The following CLDN19 variants were observed in gnomAD, a reference collection of about 807,000 sequenced individuals.
CLDN19 encodes the protein claudin-19.
A neutral mutation model predicts 24.5 loss-of-function variants in CLDN19; 19 were observed. The ratio of observed to expected loss-of-function variants is 0.78; its 90% CI spans 0.54 to 1.14. The LOEUF (loss-of-function observed/expected upper bound fraction) is 1.14. CLDN19 is among the 50% of genes most tolerant of loss of function. The probability of loss-of-function intolerance (pLI) is 0.00; values close to 1 mark genes in which losing one functional copy is unlikely to be tolerated. For missense variants in CLDN19, 250 were observed against 295.9 expected (o/e 0.84, Z 1.14); for synonymous variants, 117 against 129.6 (o/e 0.90, Z 0.66).
intron 3 of CLDN19, among the ~76,000 whole-genome samples, chr1:42,737,949 C>T (rs1443610237): frequency 2.0e-5 from 3 of 152,232 alleles, no homozygotes; most frequent in Non-Finnish European, 4.4e-5. Flanking sequence ...TCCCAAAGTG[C>T]TGGGATTACA....
In CLDN19 at chr1:42,734,992, T is replaced by G; in HGVS notation, c.*94A>C. The G allele has an allele frequency of 2.9e-6, 3 of 1,024,768 alleles. No individual in the cohort carries two copies. Among genetic ancestry groups the G allele is most frequent in the Non-Finnish European group, 4.5e-6 (3 of 661,940 alleles). 63.5% of individuals were successfully genotyped at this position (1,024,768 alleles called of 1,614,324 possible). A position where few individuals can be genotyped will look rare whatever the true frequency, so the allele number is the denominator to read the frequency against. On this transcript the variant is annotated 3_prime_UTR_variant, in exon 5 of 5. Coordinates refer to ENST00000296387, the MANE Select transcript of CLDN19 (RefSeq NM_148960.3). ...GCTGAGGACAGACCGAATGATACCA[T>G]GATTGGGGCTGGATGTTCACTTCTC...
chr1:42,738,407 T>A lies in CLDN19; in HGVS notation c.388+14A>T. 1.2e-6 allele frequency: 2 copies of A among 1,613,088 alleles called. No individual in the cohort carries two copies. Among genetic ancestry groups the A allele is most frequent in the Non-Finnish European group, 1.7e-6 (2 of 1,179,846 alleles). ...TGCCATGGTTGTGATTGTGCAGGAG[T>A]GAGGGGCACTCACCTGCCAGGATGA... On this transcript the variant is annotated intron_variant, in intron 2 of 4. Coordinates refer to ENST00000296387, the MANE Select transcript of CLDN19 (RefSeq NM_148960.3).
intron 4 of CLDN19, 77 bp from the exon 5 acceptor site, chr1:42,735,211 G>C: frequency 1.3e-6 from 2 of 1,599,108 alleles, no homozygotes; most frequent in South Asian, 1.1e-5. Flanking sequence ...ATTCAGGCCC[G>C]GACATGGGTA....
intron 4 of CLDN19, chr1:42,735,522 G>A: frequency 1.4e-6 from 2 of 1,416,356 alleles, no homozygotes; most frequent in Non-Finnish European, 1.8e-6. Flanking sequence ...TATCTCTAGG[G>A]CCCAGCACGT....
chr1:42,739,932 C>T lies in CLDN19; in HGVS notation c.132G>A (p.Val44=), dbSNP rs1407788763. The T allele has an allele frequency of 6.2e-7, 1 of 1,611,238 alleles. No homozygotes were observed. Among genetic ancestry groups the T allele is most frequent in the Admixed American group, 1.7e-5 (1 of 59,754 alleles). Residue 44 remains valine, a synonymous_variant, in exon 1 of 5, where the codon GTG becomes GTA. Transcript: ENST00000296387. The part of the protein sequence containing the change: ...SYAGDAIITA[V]GLYEGLWMSC... ...ACATCCAGAGCCCTTCATAGAGGCC[C>T]ACGGCAGTGATGATGGCGTCGCCTG...
At chr1:42,735,588 C>T in intron 4 of CLDN19, 1 of 1,422,744 alleles carries the variant, frequency 7.0e-7, no homozygotes, top group Non-Finnish European at 9.1e-7. Flanking sequence ...TGCCTGAGGG[C>T]CTGTCTCCAG....
rs114350566 is a variant in CLDN19 at position 42,735,908 on chromosome 1, T to C, written c.596A>G (p.Tyr199Cys). The C allele has an allele frequency of 2.5e-6, 4 of 1,580,976 alleles. No homozygotes were observed. The highest frequency in any genetic ancestry group is 2.3e-5 in the East Asian group (1 of 43,380). ...PERPNSSPQP[Y>C]RPGPSAAARE... ...GGCAGCAGCAGAGGGTCCAGGCCGA[T>C]AGGGCTGTGGGCTGCTGTTGGGTCT... is the stretch of plus-strand genomic sequence containing the variant. Residue 199 changes from tyrosine (Y) to cysteine (C), a missense_variant, in exon 4 of 5, where the codon TAT becomes TGT. By Grantham distance (194) the Tyr-to-Cys change is radical. Transcript: ENST00000296387.
chr1:42,735,372 C>T, intron 4 of CLDN19: 1 of 1,435,708 alleles, frequency 7.0e-7, no homozygotes, highest in South Asian at 1.5e-5. Context: ...AACTCAGACC[C>T]TCCCTGTCCT....
In CLDN19 at chr1:42,738,433, A is replaced by G. The variant is rs770796801; in HGVS notation, c.376T>C (p.Phe126Leu). The change falls in exon 2 of 5, where the codon TTC becomes CTC. Residue 126 changes from phenylalanine to leucine, a missense_variant. Coordinates refer to ENST00000296387, the MANE Select transcript of CLDN19 (RefSeq NM_148960.3). ...GAGGGGCACTCACCTGCCAGGATGA[A>G]GAGGGCTCCCCCGGCGATGGCAACA... ...GRVAIAGGAL[F>L]ILAGLCTLTA... is the part of the protein sequence containing the mutation. 6 of 1,613,958 alleles carry G rather than the reference A, an allele frequency of 3.7e-6. No homozygotes were observed. In the Admixed American group the frequency reaches 1.0e-4, roughly 27 times the overall value.
chr1:42,736,857 G>A (rs887112373), intron 3 of CLDN19, among the ~76,000 whole-genome samples: 2 of 152,154 alleles, frequency 1.3e-5, no homozygotes, highest in African/African-American at 2.4e-5. Context: ...GGGATCGGGG[G>A]CCGAGTCCTA....
In CLDN19 at chr1:42,735,194, G is replaced by T. The variant is rs372581520; in HGVS notation, c.627-60C>A. The T allele has an allele frequency of 6.2e-6, 10 of 1,608,030 alleles. No individual in the cohort carries two copies. The African/African-American group carries it at 8.0e-5, about 13-fold the overall frequency. ...GTGAGCTGTGGGGTCGGGGGCAGGG[G>T]CTGTGCATTCAGGCCCGGACATGGG... On this transcript the variant is annotated intron_variant, in intron 4 of 4. Coordinates refer to ENST00000296387, the MANE Select transcript of CLDN19 (RefSeq NM_148960.3).
rs1355679787 is a variant in CLDN19, at chr1:42,738,585, C to T, written c.224G>A (p.Gly75Asp). The change falls in exon 2 of 5, where the codon GGT becomes GAT. Residue 75 changes from glycine to aspartate, a missense_variant and splice_region_variant. Gly to Asp is a moderately conservative substitution (Grantham distance 94). Coordinates refer to ENST00000296387, the MANE Select transcript of CLDN19 (RefSeq NM_148960.3). ...CAGGGCCCGCGCTGATTGGATGTGA[C>T]CTAGGGTGGGCGGGATGACACTGAG... is the stretch of plus-strand genomic sequence containing the variant. Reference protein sequence around the residue: ...KLYDSLLALDGHIQSARALMV... With the variant: ...KLYDSLLALDDHIQSARALMV... The T allele has an allele frequency of 6.2e-7, 1 of 1,613,142 alleles. No homozygotes were observed. The highest frequency in any genetic ancestry group is 1.3e-5 in the African/African-American group (1 of 74,878).
At position 42,734,981 on chromosome 1, in the gene CLDN19, G is replaced by T. The variant is rs765909170; in HGVS notation, c.*105C>A. ...GTCCAAGCCACGCTGAGGACAGACC[G>T]AATGATACCATGATTGGGGCTGGAT... is the stretch of plus-strand genomic sequence containing the variant. On this transcript the variant is annotated 3_prime_UTR_variant, in exon 5 of 5. Coordinates refer to ENST00000296387, the MANE Select transcript of CLDN19 (RefSeq NM_148960.3). 6.1e-5 allele frequency: 59 copies of T among 969,294 alleles called. No homozygotes were observed. Among genetic ancestry groups the T allele is most frequent in the Non-Finnish European group, 8.4e-5 (52 of 616,200 alleles). 60.0% of individuals were successfully genotyped at this position (969,294 alleles called of 1,614,324 possible). A position where few individuals can be genotyped will look rare whatever the true frequency, so the allele number is the denominator to read the frequency against.
In CLDN19 at chr1:42,738,352, C is replaced by T. The variant is rs199649637; in HGVS notation, c.389-39G>A. On this transcript the variant is annotated intron_variant, in intron 2 of 4. Coordinates refer to ENST00000296387, the MANE Select transcript of CLDN19 (RefSeq NM_148960.3). ...AGAGGGGCGCTCAGCTCTGCTCTGG[C>T]CCCCCGAGGCCACTGGGGCTGGGGC... 6.2e-6 allele frequency: 10 copies of T among 1,611,968 alleles called. No homozygotes were observed. In the East Asian group the frequency reaches 2.0e-4, roughly 32 times the overall value.
At chr1:42,738,181 A>G in intron 3 of CLDN19, 48 bp downstream of exon 3, 1 of 1,413,668 alleles carries the variant, frequency 7.1e-7, no homozygotes, top group Non-Finnish European at 1.0e-6. Flanking sequence ...GACAAAGGTC[A>G]GTGGCCCCAG....
intron 4 of CLDN19, 76 bp downstream of exon 4, chr1:42,735,802 T>C (rs1355608797): frequency 6.5e-7 from 1 of 1,547,072 alleles, no homozygotes; most frequent in Non-Finnish European, 8.7e-7. Flanking sequence ...CCCAGGGTGC[T>C]GCGAGGCTGG....
chr1:42,735,670 G>T, intron 4 of CLDN19: 1 of 1,441,054 alleles, frequency 6.9e-7, no homozygotes, highest in East Asian at 2.5e-5. Flanking sequence ...TGTATGCCTG[G>T]GGGCTGGGTC....
At position 42,735,965 on chromosome 1, in the gene CLDN19, G is replaced by C. The variant is rs201399564; in HGVS notation, c.539C>G (p.Ser180Cys). 1 of 1,576,202 alleles carries C rather than the reference G, an allele frequency of 6.3e-7. No homozygotes were observed. The highest frequency in any genetic ancestry group is 1.3e-5 in the African/African-American group (1 of 74,470). The change falls in exon 4 of 5, where the codon TCC becomes TGC. Residue 180 changes from serine (S) to cysteine (C), a missense_variant. Ser to Cys is a moderately radical substitution (Grantham distance 112). Coordinates refer to ENST00000296387, the MANE Select transcript of CLDN19 (RefSeq NM_148960.3). ...CTCCGGGCATGTGCAGCAGAGGAAG[G>C]AGCCGCCCAGCACGGCCAGGCCAGC... ...ASAGLAVLGG[S>C]FLCCTCPEPE...
chr1:42,739,875 C>T lies in CLDN19; in HGVS notation c.189G>A (p.Gln63=), dbSNP rs776112203. Residue 63 remains glutamine, a synonymous_variant, in exon 1 of 5, where the codon CAG becomes CAA. Coordinates refer to ENST00000296387, the MANE Select transcript of CLDN19 (RefSeq NM_148960.3). The part of the protein sequence containing the change: ...SCASQSTGQV[Q]CKLYDSLLAL... The stretch of plus-strand genomic sequence containing the variant: ...CGAGCAGCGAGTCGTAGAGCTTGCA[C>T]TGCACTTGCCCAGTGCTCTGGGAGG... 6 of 1,613,092 alleles carry T rather than the reference C, an allele frequency of 3.7e-6. No homozygotes were observed. The East Asian group carries it at 8.9e-5, about 24-fold the overall frequency.
Sources: gnomAD v4.1 joint callset for allele counts (sites outside exome capture counted in the v4.1 genomes callset) on GRCh38, gnomAD v4.1.1 for gene constraint, MANE v1.5 for transcripts, NCBI Gene and HGNC (gene_info 2026-07-23, HGNC 2026-07-21) for gene names.